The following GTPBP1 variants were observed in gnomAD, a reference collection of about 807,000 sequenced individuals.
The protein encoded by GTPBP1 is GTP-binding protein 1.
A neutral mutation model predicts 62.0 loss-of-function variants in GTPBP1; 23 were observed. That is an observed-to-expected ratio of 0.37 (90% CI 0.27 to 0.53). GTPBP1 has a LOEUF of 0.53. Ranked by LOEUF, GTPBP1 falls within the 20% of genes least tolerant of loss-of-function variation. The pLI, the probability that GTPBP1 is intolerant of heterozygous loss-of-function variation, is 0.89. For missense variants in GTPBP1, 640 were observed against 917.3 expected, an observed-to-expected ratio of 0.70 and a Z score of 3.90; for synonymous variants, 344 against 364.4, an observed-to-expected ratio of 0.94 and a Z score of 0.64.
At chr22:38,739,622 A>G (rs1307958011), downstream of GTPBP1, 11 of 1,450,422 alleles carry the variant, frequency 7.6e-6, no homozygotes, top group Admixed American at 2.1e-4. This position sits in a 1 kb window ranked among gnomAD's most constrained non-coding sequence, Gnocchi z 6.7. Flanking sequence ...TGGCACTTCC[A>G]TCCTGGAACC....
At chr22:38,738,081 A>G, downstream of GTPBP1, 2 of 1,142,976 alleles carry the variant, frequency 1.7e-6, no homozygotes, top group Non-Finnish European at 2.7e-6. This position sits in a 1 kb window ranked among gnomAD's most constrained non-coding sequence, Gnocchi z 6.6. Context: ...CCCTCTCTGA[A>G]CCCCATGCCT....
In GTPBP1 at chr22:38,716,311, GGT is replaced by G; in HGVS notation, c.485+229_485+230del. On this transcript the variant is annotated intron_variant, in intron 3 of 11. Transcript: ENST00000216044. The surrounding 1 kb of genome is among the most constrained non-coding windows in gnomAD (Gnocchi z 5.2). ...GTGCATTCTGTGGCCATTCTCTGTG[GGT>G]GTGTTTCTTTTCCCTTCAGCCTGTG... 1 of 590,052 alleles carries G rather than the reference GGT, an allele frequency of 1.7e-6. No homozygotes were observed. Among genetic ancestry groups the G allele is most frequent in the Non-Finnish European group, 3.0e-6 (1 of 332,788 alleles). 36.6% of individuals were successfully genotyped at this position (590,052 alleles called of 1,614,324 possible). A position where few individuals can be genotyped will look rare whatever the true frequency, so the allele number is the denominator to read the frequency against.
At chr22:38,740,188 G>T, downstream of GTPBP1, 2 of 1,439,546 alleles carry the variant, frequency 1.4e-6, no homozygotes, top group Non-Finnish European at 9.2e-7. The surrounding 1 kb of genome is among the most constrained non-coding windows in gnomAD (Gnocchi z 4.8). Context: ...GGCAAGGGGT[G>T]CTGCTTTGCA....
chr22:38,720,832 G>A (rs966452911), intron 4 of GTPBP1, among the ~76,000 whole-genome samples: 56 of 152,210 alleles, frequency 3.7e-4, no homozygotes, highest in African/African-American at 1.3e-3. Context: ...GTGACCCTCT[G>A]AAGTGGATAT....
downstream of GTPBP1, among the ~76,000 whole-genome samples, chr22:38,737,424 C>T (rs897434476): frequency 6.6e-6 from 1 of 152,206 alleles, no homozygotes; most frequent in Non-Finnish European, 1.5e-5. The surrounding 1 kb of genome is among the most constrained non-coding windows in gnomAD (Gnocchi z 4.1). Context: ...GTTCTGGCTG[C>T]TTTCCCTCAA....
In GTPBP1 at chr22:38,727,856, T is replaced by C. The variant is rs2092735043; in HGVS notation, c.1538-127T>C. ...CAAGAACAGGCTTCACGGGGGTCTG[T>C]AGCCCCAGAGATAAGCCCCCACCCT... On this transcript the variant is annotated intron_variant, in intron 9 of 11. Transcript: ENST00000216044. The surrounding 1 kb of genome is among the most constrained non-coding windows in gnomAD (Gnocchi z 6.5). The C allele has an allele frequency of 1.5e-6, 1 of 658,054 alleles. No homozygotes were observed. Among genetic ancestry groups the C allele is most frequent in the East Asian group, 2.7e-5 (1 of 36,746 alleles). The allele number at this position is 658,054 out of a possible 1,614,324, so 40.8% of individuals were successfully genotyped here. A position where few individuals can be genotyped will look rare whatever the true frequency, so the allele number is the denominator to read the frequency against.
At chr22:38,721,085 TG>T (rs1369295236) in intron 4 of GTPBP1, among the ~76,000 whole-genome samples, 1 of 152,154 alleles carries the variant, frequency 6.6e-6, no homozygotes, top group Non-Finnish European at 1.5e-5. Context: ...TTCTTTTTTT[TG>T]TAGGGTGGGG....
intron 4 of GTPBP1, among the ~76,000 whole-genome samples, 161 bp downstream of exon 4, chr22:38,717,161 A>G (rs2145856709): frequency 6.6e-6 from 1 of 152,288 alleles, no homozygotes; most frequent in South Asian, 2.1e-4. Flanking sequence ...CCTCTGAGTA[A>G]TGGTCTTCTC....
chr22:38,715,324 C>G (rs2092663461), intron 2 of GTPBP1, among the ~76,000 whole-genome samples: 1 of 152,168 alleles, frequency 6.6e-6, no homozygotes, highest in Non-Finnish European at 1.5e-5. Flanking sequence ...TCCCGACACT[C>G]CATGTCACCC....
downstream of GTPBP1, chr22:38,736,140 T>C (rs955253521): frequency 2.1e-5 from 20 of 930,236 alleles, no homozygotes; most frequent in Admixed American, 4.0e-5. Context: ...CCTTTTCATC[T>C]GCATGGGGCC....
chr22:38,722,847 A>G (rs2145870718), intron 5 of GTPBP1: 2 of 1,526,536 alleles, frequency 1.3e-6, no homozygotes, highest in Admixed American at 1.7e-5. Flanking sequence ...ATGGGTTTCT[A>G]CATACTGGAA....
At chr22:38,719,401 G>A (rs2092687751) in intron 4 of GTPBP1, among the ~76,000 whole-genome samples, 1 of 152,044 alleles carries the variant, frequency 6.6e-6, no homozygotes, top group African/African-American at 2.4e-5. Flanking sequence ...TCAAACTCCT[G>A]GGCTCAAGGG....
At chr22:38,739,155 A>G, downstream of GTPBP1, 1 of 906,496 alleles carries the variant, frequency 1.1e-6, no homozygotes, top group Non-Finnish European at 1.7e-6. This position sits in a 1 kb window ranked among gnomAD's most constrained non-coding sequence, Gnocchi z 6.7. Flanking sequence ...TCCCTGGCCC[A>G]GGATGGTACT....
chr22:38,723,426 TG>T, intron 5 of GTPBP1: 1 of 1,078,710 alleles, frequency 9.3e-7, no homozygotes, highest in East Asian at 2.6e-5. Context: ...AGGGCTGCAG[TG>T]GCAGAAATGC....
Position 38,729,574 on chromosome 22 carries a change from G to T in GTPBP1, c.1829G>T (p.Gly610Val). ...CGAGACGAGGGGGGCCCGTCTGGTG[G>T]GCCAGCAGTAGGAGCACCCCCACCT... is the stretch of plus-strand genomic sequence containing the variant. ...TKRDEGGPSGGPAVGAPPPGD... is the reference protein window; with the variant it reads ...TKRDEGGPSGVPAVGAPPPGD... The change falls in exon 11 of 12, where the codon GGG becomes GTG. Residue 610 changes from glycine (G) to valine (V), a missense_variant. Gly to Val is a moderately radical substitution (Grantham distance 109, BLOSUM62 -3). This residue lies in a region of GTPBP1 where 117 missense variants were observed against 107.1 expected (regional missense o/e 1.09). Coordinates refer to ENST00000216044, the MANE Select transcript of GTPBP1 (RefSeq NM_004286.5). 1.9e-6 allele frequency: 3 copies of T among 1,594,526 alleles called. No individual in the cohort carries two copies. Among genetic ancestry groups the T allele is most frequent in the South Asian group, 2.3e-5 (2 of 88,464 alleles).
intron 1 of GTPBP1, 93 bp downstream of exon 1, chr22:38,706,240 C>A (rs2092603553): frequency 3.8e-6 from 3 of 791,898 alleles, no homozygotes; most frequent in Admixed American, 9.0e-5. Flanking sequence ...CCGCCCTGTC[C>A]GCGGGGAGCG....
chr22:38,730,196 A>G lies in GTPBP1; in HGVS notation c.1918-416A>G, dbSNP rs2092749614. Among the ~76,000 whole-genome samples the G allele has an allele frequency of 6.6e-6, 1 of 151,884 alleles. No individual in the cohort carries two copies. The highest frequency in any genetic ancestry group is 1.5e-5 in the Non-Finnish European group (1 of 67,976). On this transcript the variant is annotated intron_variant, in intron 11 of 11. Transcript: ENST00000216044. This position sits in a 1 kb window ranked among gnomAD's most constrained non-coding sequence, Gnocchi z 5.6. ...GTGATGAAGGCCTGGTGCCCCTTGCACCCCTCTCCCCAGCATCTTTCTCCA... is the reference window on the plus strand; with the variant it reads ...GTGATGAAGGCCTGGTGCCCCTTGCGCCCCTCTCCCCAGCATCTTTCTCCA...
At chr22:38,711,924 A>T (rs541593736) in intron 2 of GTPBP1, among the ~76,000 whole-genome samples, 1 of 152,236 alleles carries the variant, frequency 6.6e-6, no homozygotes, top group Non-Finnish European at 1.5e-5. Context: ...TCTGTCATCC[A>T]GGCTGGAGTG....
chr22:38,721,377 C>T (rs567836273), intron 4 of GTPBP1, among the ~76,000 whole-genome samples: 1 of 152,164 alleles, frequency 6.6e-6, no homozygotes, highest in Admixed American at 6.5e-5. Context: ...CGTGCCCAGC[C>T]TTAATTTTTG....
Sources: allele counts gnomAD v4.1 joint callset (sites outside exome capture counted in the v4.1 genomes callset), GRCh38; gene constraint gnomAD v4.1.1; regional missense constraint gnomAD v4.1.1; non-coding constraint Gnocchi (gnomAD v3.1); transcripts MANE v1.5; gene names NCBI Gene and HGNC (gene_info 2026-07-23, HGNC 2026-07-21).